The following RASA2 variants were observed in gnomAD, a reference collection of about 807,000 sequenced individuals.
The protein encoded by RASA2 is RAS p21 protein activator 2.
RASA2 carries 155 observed loss-of-function variants against 118.2 expected under a neutral mutation model. The observed-to-expected ratio is 1.31, with a 90% CI of 1.15 to 1.50. RASA2 has a LOEUF of 1.50. Among genes scored for constraint, RASA2 ranks in the 40% most tolerant of loss-of-function variants. RASA2 has a pLI of 0.00. For missense variants in RASA2, 1,016 were observed against 1,009.6 expected (o/e 1.01, Z -0.09); for synonymous variants, 353 against 349.1 (o/e 1.01, Z -0.12).
rs915973669 is a variant in RASA2 at position 141,569,840 on chromosome 3, C to T, written c.864-1072C>T. On this transcript the variant is annotated intron_variant, in intron 9 of 23. Coordinates refer to ENST00000286364, the MANE Select transcript of RASA2 (RefSeq NM_006506.5). The stretch of plus-strand genomic sequence containing the variant: ...TATTGTTACCATCTTTGTGTTTGTG[C>T]ATACCCAGTGTTCAGCTCCCACTTA... Among the ~76,000 whole-genome samples, 3 of 152,062 alleles carry T rather than the reference C, an allele frequency of 2.0e-5. No homozygotes were observed. In the East Asian group the frequency reaches 5.8e-4, roughly 29 times the overall value.
chr3:141,535,276 T>A (rs149737208), intron 4 of RASA2, among the ~76,000 whole-genome samples: 2 of 152,190 alleles, frequency 1.3e-5, no homozygotes, highest in East Asian at 3.9e-4. Context: ...AACCAAAAAA[T>A]TTTTGTGACT....
intron 3 of RASA2, 55 bp downstream of exon 3, chr3:141,516,486 G>A (rs571155171): frequency 4.2e-5 from 52 of 1,246,370 alleles, no homozygotes; most frequent in Non-Finnish European, 4.7e-5. Flanking sequence ...ATATTCATTC[G>A]TTCTCTTAGT....
At chr3:141,509,917 A>G (rs1433115265) in intron 1 of RASA2, among the ~76,000 whole-genome samples, 4 of 152,234 alleles carry the variant, frequency 2.6e-5, no homozygotes, top group Admixed American at 6.5e-5. Flanking sequence ...AGATTCCTCA[A>G]TTCTGACTTG....
intron 19 of RASA2, among the ~76,000 whole-genome samples, chr3:141,590,554 G>C (rs565637917): frequency 1.0e-3 from 152 of 152,226 alleles, no homozygotes; most frequent in African/African-American, 3.5e-3. Flanking sequence ...AAAATACCTG[G>C]GCTTTGCATT....
intron 11 of RASA2, among the ~76,000 whole-genome samples, chr3:141,572,123 G>A (rs969490985): frequency 5.7e-5 from 8 of 141,462 alleles, no homozygotes; most frequent in South Asian, 2.3e-4. Flanking sequence ...ACAGAGTCTC[G>A]CTTTTTCACC....
chr3:141,510,682 C>CGAGT (rs2081937620), intron 1 of RASA2, among the ~76,000 whole-genome samples: 1 of 152,098 alleles, frequency 6.6e-6, no homozygotes, highest in South Asian at 2.1e-4. Context: ...ATAAGGCACT[C>CGAGT]GCCATTGAAG....
chr3:141,604,642 A>G (rs7619219), intron 19 of RASA2, among the ~76,000 whole-genome samples: 1 of 151,566 alleles, frequency 6.6e-6, no homozygotes, highest in Non-Finnish European at 1.5e-5. Context: ...TGTATAACAC[A>G]TCTTTTTCCT....
chr3:141,505,653 T>A (rs1319362142), intron 1 of RASA2, among the ~76,000 whole-genome samples: 1 of 152,216 alleles, frequency 6.6e-6, no homozygotes, highest in Admixed American at 6.5e-5. Flanking sequence ...AGGGTTTTTG[T>A]GCCAGACTAA....
chr3:141,597,924 A>G (rs528875649), intron 19 of RASA2, among the ~76,000 whole-genome samples: 24 of 152,342 alleles, frequency 1.6e-4, no homozygotes, highest in African/African-American at 5.3e-4. Context: ...CCAGAAACTA[A>G]TATGAGCAAC....
At chr3:141,581,242 A>G in intron 17 of RASA2, 65 bp downstream of exon 17, 2 of 1,102,408 alleles carry the variant, frequency 1.8e-6, no homozygotes, top group Non-Finnish European at 1.2e-6. Context: ...ATAACATTTT[A>G]TATATATTAT....
intron 15 of RASA2, among the ~76,000 whole-genome samples, chr3:141,579,064 C>T (rs2083058604): frequency 6.6e-6 from 1 of 151,828 alleles, no homozygotes; most frequent in Non-Finnish European, 1.5e-5. Flanking sequence ...TCCAGATTAC[C>T]TTATATTCTG....
rs1296161926 is a variant in RASA2, at chr3:141,580,392, A to G, written c.1615A>G (p.Thr539Ala). The change falls in exon 16 of 24, where the codon ACT becomes GCT. Residue 539 changes from threonine (T) to alanine (A), a missense_variant. Coordinates refer to ENST00000286364, the MANE Select transcript of RASA2 (RefSeq NM_006506.5). ...GGATGCACAGACAATTAGAACATTA[A>G]CTCTCATCTCAAAAACTATACAAAC... ...HPDAQTIRTL[T>A]LISKTIQTLG... is the part of the protein sequence containing the mutation. 6.2e-7 allele frequency: 1 copy of G among 1,608,704 alleles called. No homozygotes were observed. Among genetic ancestry groups the G allele is most frequent in the Admixed American group, 1.7e-5 (1 of 59,728 alleles).
intron 2 of RASA2, 69 bp downstream of exon 2, chr3:141,512,349 A>G: frequency 9.0e-7 from 1 of 1,106,122 alleles, no homozygotes; most frequent in Non-Finnish European, 1.3e-6. Flanking sequence ...CATTTTCCAG[A>G]TTATAATAAT....
At chr3:141,490,353 A>C (rs925295347) in intron 1 of RASA2, among the ~76,000 whole-genome samples, 3 of 151,210 alleles carry the variant, frequency 2.0e-5, no homozygotes, top group African/African-American at 7.4e-5. Flanking sequence ...AAAAAAAAAA[A>C]AAAACCGTAT....
At chr3:141,518,536 C>T (rs2082065455) in intron 3 of RASA2, among the ~76,000 whole-genome samples, 1 of 136,826 alleles carries the variant, frequency 7.3e-6, no homozygotes, top group Non-Finnish European at 1.6e-5. Context: ...TTGTCTTTGT[C>T]CTCTTAACTA....
chr3:141,602,098 G>C (rs2083473530), intron 19 of RASA2, among the ~76,000 whole-genome samples: 2 of 152,294 alleles, frequency 1.3e-5, no homozygotes, highest in South Asian at 4.1e-4. Flanking sequence ...GCTAAATTCA[G>C]TATCTGGACC....
intron 19 of RASA2, among the ~76,000 whole-genome samples, chr3:141,590,527 G>T (rs2083272212): frequency 6.6e-6 from 1 of 152,172 alleles, no homozygotes; most frequent in African/African-American, 2.4e-5. Context: ...AAAACGTCAG[G>T]ACTTTCTCCT....
chr3:141,550,733 T>A (rs1345136704), intron 5 of RASA2, among the ~76,000 whole-genome samples: 1 of 152,232 alleles, frequency 6.6e-6, no homozygotes, highest in Non-Finnish European at 1.5e-5. Context: ...ACTTAACACA[T>A]TTAAAACTGA....
At chr3:141,596,494 A>T (rs1428080051) in intron 19 of RASA2, among the ~76,000 whole-genome samples, 2 of 152,354 alleles carry the variant, frequency 1.3e-5, no homozygotes, top group East Asian at 3.9e-4. Flanking sequence ...ATTGGATCTC[A>T]TCAAAATTCA....
Sources: gnomAD v4.1 joint callset for allele counts (sites outside exome capture counted in the v4.1 genomes callset) on GRCh38, gnomAD v4.1.1 for gene constraint, MANE v1.5 for transcripts, NCBI Gene and HGNC (gene_info 2026-07-23, HGNC 2026-07-21) for gene names.